The following CUL5 variants were observed in gnomAD, a reference collection of about 807,000 sequenced individuals.
CUL5 encodes the protein cullin 5, also known as cullin-5.
Under a neutral mutation model 108.8 loss-of-function variants are expected in CUL5, and 26 were observed. The observed-to-expected ratio is 0.24, with a 90% CI of 0.18 to 0.33. CUL5 has a LOEUF of 0.33. CUL5 is among the 10% of genes least tolerant of loss of function. CUL5 has a pLI of 1.00. For synonymous variants in CUL5, 334 were observed against 298.0 expected (o/e 1.12, Z -1.25); for missense variants, 524 against 909.2 (o/e 0.58, Z 5.45).
At chr11:108,016,314 T>A (rs553077278) in intron 1 of CUL5, among the ~76,000 whole-genome samples, 5 of 152,286 alleles carry the variant, frequency 3.3e-5, no homozygotes, top group Non-Finnish European at 7.3e-5. Context: ...TCCCCCAGTC[T>A]GGAGTACAGT....
chr11:108,068,164 C>T (rs1051420067), intron 7 of CUL5, among the ~76,000 whole-genome samples: 4 of 152,096 alleles, frequency 2.6e-5, no homozygotes, highest in South Asian at 4.1e-4. Flanking sequence ...GTGATCCGCC[C>T]GCCTTAGCCT....
intron 13 of CUL5, 50 bp downstream of exon 13, chr11:108,089,673 A>C (rs1341428597): frequency 9.9e-7 from 1 of 1,005,284 alleles, no homozygotes; most frequent in East Asian, 2.8e-5. Context: ...TACATCATTT[A>C]TATGTGTGCT....
rs1864285835 is a variant in CUL5, at chr11:108,088,871, T to G, written c.1311+212T>G. ...GCTTCTTGAAAGGAATACCATTTAA[T>G]TCCTCTCCTTTCTTGGTTATTTTTA... On this transcript the variant is annotated intron_variant, in intron 12 of 18. Coordinates refer to ENST00000393094, the MANE Select transcript of CUL5 (RefSeq NM_003478.6). 2.0e-5 allele frequency among the ~76,000 whole-genome samples: 3 copies of G among 152,168 alleles called. No homozygotes were observed. In the South Asian group the frequency reaches 6.2e-4, roughly 32 times the overall value.
chr11:108,017,224 CAAAAAAT>C (rs1226954541), intron 1 of CUL5, among the ~76,000 whole-genome samples: 9 of 151,408 alleles, frequency 5.9e-5, no homozygotes, highest in South Asian at 2.1e-4. Context: ...CTCGTCTCTA[CAAAAAAT>C]AAAAAATAAA....
intron 18 of CUL5, among the ~76,000 whole-genome samples, chr11:108,100,558 A>G (rs1012256732): frequency 6.6e-6 from 1 of 152,098 alleles, no homozygotes; most frequent in Non-Finnish European, 1.5e-5. Flanking sequence ...AAAGCAAACA[A>G]AAACAAACAA....
chr11:108,091,668 A>G (rs1864362707), intron 13 of CUL5, among the ~76,000 whole-genome samples: 1 of 144,980 alleles, frequency 6.9e-6, no homozygotes, highest in Non-Finnish European at 1.5e-5. Flanking sequence ...CTGCCTGAGC[A>G]ACAGAGTCAG....
chr11:108,096,489 AT>A lies in CUL5; in HGVS notation c.1905+809del, dbSNP rs557379589. ...CAACATAGTGAGACCCATCTCAAAA[AT>A]TTTTTTTTTTAAAAAAGAGAAAGAT... On this transcript the variant is annotated intron_variant, in intron 16 of 18. Coordinates refer to ENST00000393094, the MANE Select transcript of CUL5 (RefSeq NM_003478.6). 3.9e-3 allele frequency among the ~76,000 whole-genome samples: 585 copies of A among 148,270 alleles called. 3 individuals carry two copies. Among genetic ancestry groups the A allele is most frequent in the African/African-American group, 8.9e-3 (359 of 40,516 alleles).
intron 11 of CUL5, among the ~76,000 whole-genome samples, chr11:108,086,098 A>G (rs573780119): frequency 2.6e-5 from 4 of 152,332 alleles, no homozygotes; most frequent in Admixed American, 1.3e-4. Flanking sequence ...AGAGCATAGA[A>G]AAGAGGGTAT....
intron 4 of CUL5, among the ~76,000 whole-genome samples, chr11:108,051,025 A>G (rs900055188): frequency 6.6e-6 from 1 of 152,190 alleles, no homozygotes; most frequent in Non-Finnish European, 1.5e-5. Context: ...AACTTTAGTC[A>G]ATTTACTGTT....
At chr11:108,081,524 G>A (rs1472743965) in intron 11 of CUL5, among the ~76,000 whole-genome samples, 3 of 151,646 alleles carry the variant, frequency 2.0e-5, no homozygotes, top group Non-Finnish European at 2.9e-5. Context: ...AGGCCGAGGC[G>A]GGCAGATCAC....
chr11:108,078,105 T>C (rs1863986030), intron 10 of CUL5, 71 bp from the exon 11 acceptor site: 2 of 872,752 alleles, frequency 2.3e-6, no homozygotes, highest in Middle Eastern at 6.8e-4. Flanking sequence ...TTTATGTGTT[T>C]TGGGATGTAT....
intron 7 of CUL5, among the ~76,000 whole-genome samples, chr11:108,068,398 A>G (rs576099112): frequency 6.6e-6 from 1 of 152,154 alleles, no homozygotes; most frequent in South Asian, 2.1e-4. Flanking sequence ...GGCTTACTGC[A>G]GCCTTGACCT....
At chr11:108,096,951 G>A (rs1001945593) in intron 16 of CUL5, among the ~76,000 whole-genome samples, 4 of 152,150 alleles carry the variant, frequency 2.6e-5, no homozygotes, top group African/African-American at 9.7e-5. Context: ...TTGAGGACTT[G>A]TAGATTGTAC....
chr11:108,079,903 A>T (rs1864032264), intron 11 of CUL5, among the ~76,000 whole-genome samples: 1 of 152,098 alleles, frequency 6.6e-6, no homozygotes, highest in South Asian at 2.1e-4. Flanking sequence ...AAATTCTTTT[A>T]TGTTTTGGCA....
intron 4 of CUL5, among the ~76,000 whole-genome samples, chr11:108,051,467 C>T (rs369166834): frequency 6.6e-6 from 1 of 152,170 alleles, no homozygotes; most frequent in Admixed American, 6.5e-5. Flanking sequence ...GTACCTATAT[C>T]AAGATTATGA....
intron 11 of CUL5, among the ~76,000 whole-genome samples, chr11:108,081,095 T>A (rs1017856807): frequency 6.6e-6 from 1 of 152,052 alleles, no homozygotes; most frequent in African/African-American, 2.4e-5. Flanking sequence ...AAGACCAGCC[T>A]GGCCAAGATG....
intron 18 of CUL5, among the ~76,000 whole-genome samples, chr11:108,099,198 T>C (rs976135202): frequency 5.9e-5 from 9 of 152,158 alleles, no homozygotes; most frequent in Admixed American, 2.6e-4. Context: ...GGAGACAGGG[T>C]TTTGCCATGT....
intron 5 of CUL5, 65 bp downstream of exon 5, chr11:108,052,866 A>G: frequency 7.1e-7 from 1 of 1,399,192 alleles, no homozygotes; most frequent in Non-Finnish European, 9.7e-7. Flanking sequence ...ATTATGGAAT[A>G]GCACAATCAA....
chr11:108,036,057 T>G (rs748014009), intron 2 of CUL5, among the ~76,000 whole-genome samples: 5 of 152,226 alleles, frequency 3.3e-5, no homozygotes, highest in Non-Finnish European at 7.3e-5. Flanking sequence ...CTCAAAAATA[T>G]GCACATCAGG....
Sources: allele counts gnomAD v4.1 joint callset (sites outside exome capture counted in the v4.1 genomes callset), GRCh38; gene constraint gnomAD v4.1.1; transcripts MANE v1.5; gene names NCBI Gene and HGNC (gene_info 2026-07-23, HGNC 2026-07-21).